The following GALNT8 variants were observed in gnomAD, a reference collection of about 807,000 sequenced individuals.
The protein encoded by GALNT8 is polypeptide N-acetylgalactosaminyltransferase 8.
Under a neutral mutation model 62.7 loss-of-function variants are expected in GALNT8, and 66 were observed. The ratio of observed to expected loss-of-function variants is 1.05; its 90% CI spans 0.86 to 1.29. The LOEUF (loss-of-function observed/expected upper bound fraction) is 1.29, where lower values mean the gene tolerates loss of function less well. Among genes scored for constraint, GALNT8 ranks in the 50% most tolerant of loss-of-function variants. GALNT8 has a pLI of 0.00. For missense variants in GALNT8, 771 were observed against 791.8 expected, an observed-to-expected ratio of 0.97 and a Z score of 0.32; for synonymous variants, 288 against 294.3, an observed-to-expected ratio of 0.98 and a Z score of 0.22.
chr12:4,740,733 A>G (rs1002234655), intron 3 of GALNT8, among the ~76,000 whole-genome samples: 2 of 152,108 alleles, frequency 1.3e-5, no homozygotes, highest in Admixed American at 1.3e-4. Flanking sequence ...CATGTTAACT[A>G]TTTTAATCAT....
intron 9 of GALNT8, among the ~76,000 whole-genome samples, chr12:4,764,845 C>T (rs1442203214): frequency 1.7e-5 from 2 of 114,566 alleles, no homozygotes; most frequent in African/African-American, 6.8e-5. Context: ...AGCCGCCGCA[C>T]CTGGCCTGGA....
rs770547291 is a variant in GALNT8, at chr12:4,745,561, C to T, written c.993C>T (p.Leu331=). Residue 331 remains leucine (L), a synonymous_variant, in exon 5 of 11, where the codon CTC becomes CTT. Transcript: ENST00000252318. The part of the protein sequence containing the change: ...ELAVDGFNWE[L]WCRYDALPQA... Reference sequence around the variant, plus strand: ...CAGTTGATGGGTTTAACTGGGAACTCTGGTGCCGCTACGATGCACTGCCAC... The same window carrying T: ...CAGTTGATGGGTTTAACTGGGAACTTTGGTGCCGCTACGATGCACTGCCAC... 3.1e-6 allele frequency: 5 copies of T among 1,613,890 alleles called. No individual in the cohort carries two copies. In the African/African-American group the frequency reaches 4.0e-5, roughly 13 times the overall value.
At chr12:4,722,406 T>A (rs898040744) in intron 1 of GALNT8, among the ~76,000 whole-genome samples, 1 of 152,208 alleles carries the variant, frequency 6.6e-6, no homozygotes, top group African/African-American at 2.4e-5. Context: ...TAAATGGAGA[T>A]GATGATAACA....
intron 6 of GALNT8, among the ~76,000 whole-genome samples, chr12:4,758,633 T>C (rs1304356982): frequency 5.4e-4 from 43 of 79,908 alleles, no homozygotes; most frequent in African/African-American, 1.7e-3. Flanking sequence ...TGTGTGTGTG[T>C]GTGTGAGAGA....
At chr12:4,724,401 G>A (rs990458091) in intron 1 of GALNT8, among the ~76,000 whole-genome samples, 4 of 152,138 alleles carry the variant, frequency 2.6e-5, no homozygotes, top group African/African-American at 4.8e-5. Flanking sequence ...TAGTGACACT[G>A]TATTCATACT....
chr12:4,765,401 G>T lies in GALNT8; in HGVS notation c.1616G>T (p.Gly539Val). The T allele has an allele frequency of 6.3e-7, 1 of 1,596,020 alleles. No individual in the cohort carries two copies. Among genetic ancestry groups the T allele is most frequent in the Non-Finnish European group, 8.5e-7 (1 of 1,172,734 alleles). Residue 539 changes from glycine to valine, a missense_variant, in exon 10 of 11, where the codon GGG (glycine) becomes GTG (valine). By Grantham distance (109) the Gly-to-Val change is moderately radical. Transcript: ENST00000252318. ...SSQNVYYHLT[G>V]ELYVGQLIAE... ...TAGAATGTCTACTATCACCTAACTG[G>T]GGAGCTCTATGTGGGACAACTGATT...
At chr12:4,750,514 G>C (rs1250056538) in intron 6 of GALNT8, among the ~76,000 whole-genome samples, 2 of 152,102 alleles carry the variant, frequency 1.3e-5, no homozygotes, top group Non-Finnish European at 2.9e-5. Context: ...TCCTTGCAAA[G>C]GACATGATTT....
intron 3 of GALNT8, among the ~76,000 whole-genome samples, chr12:4,742,961 A>AT (rs1296359127): frequency 1.3e-5 from 2 of 152,200 alleles, no homozygotes; most frequent in East Asian, 3.8e-4. Context: ...TCTATGGCTC[A>AT]TAAAAATTTG....
At chr12:4,754,938 C>G (rs971718027) in intron 6 of GALNT8, among the ~76,000 whole-genome samples, 1 of 152,180 alleles carries the variant, frequency 6.6e-6, no homozygotes, top group African/African-American at 2.4e-5. Context: ...GACTGATTTC[C>G]TAGCCTGCTG....
At chr12:4,763,018 G>A (rs867902470) in intron 7 of GALNT8, among the ~76,000 whole-genome samples, 1 of 152,222 alleles carries the variant, frequency 6.6e-6, no homozygotes, top group African/African-American at 2.4e-5. Context: ...TTGAACACTG[G>A]ACAATGGATG....
At position 4,749,637 on chromosome 12, in the gene GALNT8, G is replaced by A. The variant is rs548724352; in HGVS notation, c.1173+3379G>A. ...TTTTCTTTTCTTTTTTTTTTTTAAC[G>A]TGTCTTTGTCTTGTTTTGGTAGCAG... On this transcript the variant is annotated intron_variant, in intron 6 of 10. Coordinates refer to ENST00000252318, the MANE Select transcript of GALNT8 (RefSeq NM_017417.2). The surrounding 1 kb of genome is among the most constrained non-coding windows in gnomAD (Gnocchi z 4.1). Among the ~76,000 whole-genome samples, 3 of 149,168 alleles carry A rather than the reference G, an allele frequency of 2.0e-5. No individual in the cohort carries two copies. The highest frequency in any genetic ancestry group is 6.7e-5 in the Admixed American group (1 of 14,982).
intron 1 of GALNT8, among the ~76,000 whole-genome samples, chr12:4,721,383 CCT>C (rs1946167912): frequency 6.6e-6 from 1 of 151,964 alleles, no homozygotes; most frequent in African/African-American, 2.4e-5. Flanking sequence ...ATCCCGCCAG[CCT>C]CTGAGTTCCC....
chr12:4,761,242 T>G, intron 7 of GALNT8, 99 bp downstream of exon 7: 1 of 946,534 alleles, frequency 1.1e-6, no homozygotes, highest in Non-Finnish European at 1.6e-6. Context: ...ATCGCAGCCC[T>G]AAAGAATTAG....
intron 3 of GALNT8, 115 bp from the exon 4 acceptor site, chr12:4,744,402 A>C: frequency 1.5e-6 from 1 of 670,210 alleles, no homozygotes; most frequent in Middle Eastern, 4.0e-4. Context: ...TGACTCTTAG[A>C]ATTGCCCATT....
intron 4 of GALNT8, among the ~76,000 whole-genome samples, 178 bp downstream of exon 4, chr12:4,744,878 A>G (rs1591569047): frequency 6.6e-6 from 1 of 152,238 alleles, no homozygotes; most frequent in African/African-American, 2.4e-5. Flanking sequence ...GAGAAGTAGC[A>G]TGGTGGAGAG....
intron 6 of GALNT8, among the ~76,000 whole-genome samples, chr12:4,759,025 C>G (rs1413712104): frequency 6.6e-6 from 1 of 152,124 alleles, no homozygotes; most frequent in Middle Eastern, 3.2e-3. Flanking sequence ...ATCTGCCTGC[C>G]TCGGCCTCCC....
chr12:4,737,730 A>G (rs1946252198), intron 2 of GALNT8, among the ~76,000 whole-genome samples: 1 of 152,198 alleles, frequency 6.6e-6, no homozygotes, highest in African/African-American at 2.4e-5. Flanking sequence ...TGCTCTGGTG[A>G]ATAGGCAAAT....
At chr12:4,771,925 G>A (rs892011853) in intron 10 of GALNT8, among the ~76,000 whole-genome samples, 1 of 152,204 alleles carries the variant, frequency 6.6e-6, no homozygotes, top group African/African-American at 2.4e-5. Context: ...AGCCTATCAT[G>A]TTCCCAGTTA....
Position 4,726,841 on chromosome 12 carries a change from C to G in GALNT8, c.509+12C>G, listed in dbSNP as rs368310252. 4.7e-5 allele frequency: 75 copies of G among 1,597,798 alleles called. No homozygotes were observed. In the South Asian group the frequency reaches 7.9e-4, roughly 17 times the overall value. The stretch of plus-strand genomic sequence containing the variant: ...ACGCGAGACTACAGGTGGGATGAAC[C>G]AGGCTTGGGCTTCTAGGGTCCTCAG... On this transcript the variant is annotated intron_variant, in intron 2 of 10. Coordinates refer to ENST00000252318, the MANE Select transcript of GALNT8 (RefSeq NM_017417.2). The surrounding 1 kb of genome is among the most constrained non-coding windows in gnomAD (Gnocchi z 4.1).
Sources: allele counts gnomAD v4.1 joint callset (sites outside exome capture counted in the v4.1 genomes callset), GRCh38; gene constraint gnomAD v4.1.1; non-coding constraint Gnocchi (gnomAD v3.1); transcripts MANE v1.5; gene names NCBI Gene and HGNC (gene_info 2026-07-23, HGNC 2026-07-21).